The following MORC1 variants were observed in gnomAD, a reference collection of about 807,000 sequenced individuals.
MORC1 encodes the protein MORC family CW-type zinc finger 1.
MORC1 carries 59 observed loss-of-function variants against 134.9 expected under a neutral mutation model. The ratio of observed to expected loss-of-function variants is 0.44; its 90% CI spans 0.35 to 0.54. The LOEUF (loss-of-function observed/expected upper bound fraction) is 0.54. MORC1 is among the 20% of genes least tolerant of loss of function. The pLI, the probability that MORC1 is intolerant of heterozygous loss-of-function variation, is 0.00. For synonymous variants in MORC1, 395 were observed against 391.7 expected, an observed-to-expected ratio of 1.01 and a Z score of -0.10; for missense variants, 947 against 1,134.5, an observed-to-expected ratio of 0.83 and a Z score of 2.37.
chr3:109,035,365 C>T lies in MORC1; in HGVS notation c.1434G>A (p.Met478Ile). The T allele has an allele frequency of 1.3e-6, 2 of 1,591,432 alleles. No individual in the cohort carries two copies. Among genetic ancestry groups the T allele is most frequent in the Non-Finnish European group, 1.7e-6 (2 of 1,168,104 alleles). ...NSFQYQRRQA[M>I]GIPFIIQCDL... ...CACATTGTATGATGAATGGGATACCCATGGCTTGTCTTCTTTGATATTGAA... is the reference window on the plus strand; with the variant it reads ...CACATTGTATGATGAATGGGATACCTATGGCTTGTCTTCTTTGATATTGAA... The change falls in exon 15 of 28, where the codon ATG (methionine) becomes ATA (isoleucine). Residue 478 changes from methionine (M) to isoleucine (I), a missense_variant. Met to Ile is a conservative substitution (Grantham distance 10, BLOSUM62 1). Around this residue, in one of 3 missense-constraint regions of MORC1, gnomAD observed 722 missense variants for 817.0 expected, o/e 0.88. Transcript: ENST00000232603.
Position 109,054,321 on chromosome 3 carries a change from G to C in MORC1, c.1330+407C>G, listed in dbSNP as rs867229469. On this transcript the variant is annotated intron_variant, in intron 14 of 27. Transcript: ENST00000232603. ...AGTTTAACATATCTACAATTACCCAGGGTCAGTAGTTTTTACTCCATGGTA... is the reference window on the plus strand; with the variant it reads ...AGTTTAACATATCTACAATTACCCACGGTCAGTAGTTTTTACTCCATGGTA... 2.8e-4 allele frequency among the ~76,000 whole-genome samples: 42 copies of C among 151,934 alleles called. 1 individual carries two copies. The Middle Eastern group carries it at 0.014, about 49-fold the overall frequency.
chr3:109,102,026 C>T (rs1316692503), intron 4 of MORC1, among the ~76,000 whole-genome samples: 1 of 152,190 alleles, frequency 6.6e-6, no homozygotes, highest in East Asian at 1.9e-4. Flanking sequence ...CCTTGGACAA[C>T]ACTATGTCAT....
chr3:108,998,344 T>C (rs536078037), intron 21 of MORC1, among the ~76,000 whole-genome samples: 5 of 152,380 alleles, frequency 3.3e-5, no homozygotes, highest in African/African-American at 1.2e-4. Context: ...GAAGTTTCTT[T>C]GGTGTGCTGA....
At chr3:109,047,739 G>A (rs1045748505) in intron 14 of MORC1, among the ~76,000 whole-genome samples, 46 of 152,178 alleles carry the variant, frequency 3.0e-4, no homozygotes, top group African/African-American at 1.1e-3. Flanking sequence ...TTTATCCAAA[G>A]CAATTCTTTA....
intron 24 of MORC1, among the ~76,000 whole-genome samples, chr3:108,977,963 C>T (rs964152970): frequency 2.6e-5 from 4 of 152,070 alleles, no homozygotes; most frequent in African/African-American, 4.8e-5. Flanking sequence ...CTGCAAGCTC[C>T]GCCTCCCGGG....
At chr3:109,078,364 A>G (rs1460694728) in intron 8 of MORC1, among the ~76,000 whole-genome samples, 3 of 152,072 alleles carry the variant, frequency 2.0e-5, no homozygotes, top group African/African-American at 7.2e-5. Context: ...CCATACAATT[A>G]GAGCAACAAT....
chr3:108,970,240 C>T (rs1947341210), intron 25 of MORC1, among the ~76,000 whole-genome samples: 1 of 151,702 alleles, frequency 6.6e-6, no homozygotes, highest in South Asian at 2.1e-4. Context: ...ACAACAGGAG[C>T]TGCCACAAAG....
At chr3:108,959,341 G>C (rs1444788871) in intron 27 of MORC1, among the ~76,000 whole-genome samples, 1 of 152,108 alleles carries the variant, frequency 6.6e-6, no homozygotes. Flanking sequence ...TTCTGTAGTG[G>C]AAGTTAGTAC....
At chr3:109,005,413 A>C (rs1464211622) in intron 18 of MORC1, 98 bp from the exon 19 acceptor site, 1 of 1,145,910 alleles carries the variant, frequency 8.7e-7, no homozygotes, top group Non-Finnish European at 1.2e-6. Flanking sequence ...GGTATTTCTT[A>C]TTACTACTAA....
rs1948090969 is a variant in MORC1 at position 108,992,471 on chromosome 3, C to T, written c.2188-5522G>A. Reference sequence around the variant, plus strand: ...GTTTATTTACTCTTACTACTGTCATCAAGTCAAGCATTTTATCTATATGAC... The same window carrying T: ...GTTTATTTACTCTTACTACTGTCATTAAGTCAAGCATTTTATCTATATGAC... On this transcript the variant is annotated intron_variant, in intron 21 of 27. Transcript: ENST00000232603. Among the ~76,000 whole-genome samples, 5 of 152,258 alleles carry T rather than the reference C, an allele frequency of 3.3e-5. No homozygotes were observed. In the South Asian group the frequency reaches 1.0e-3, roughly 32 times the overall value.
At chr3:109,030,187 G>C (rs1048085780) in intron 16 of MORC1, among the ~76,000 whole-genome samples, 1 of 152,090 alleles carries the variant, frequency 6.6e-6, no homozygotes, top group Non-Finnish European at 1.5e-5. Context: ...CCATTACTCC[G>C]TCCTGCTACT....
intron 14 of MORC1, among the ~76,000 whole-genome samples, chr3:109,040,485 A>AAAGG (rs762563463): frequency 0.098 from 11,217 of 114,100 alleles, 1,418 homozygotes; most frequent in East Asian, 0.16. Context: ...AGAAAGAAAG[A>AAAGG]AAGGAAAGAA....
At chr3:109,013,060 G>A (rs1366858159) in intron 17 of MORC1, among the ~76,000 whole-genome samples, 1 of 152,110 alleles carries the variant, frequency 6.6e-6, no homozygotes, top group Non-Finnish European at 1.5e-5. Context: ...CCCTTTATCA[G>A]TTGAGAGAGT....
At chr3:109,006,257 T>C (rs1247757466) in intron 18 of MORC1, among the ~76,000 whole-genome samples, 5 of 151,890 alleles carry the variant, frequency 3.3e-5, no homozygotes, top group Non-Finnish European at 7.4e-5. Context: ...AAGGAGGGAG[T>C]TGGATTATAA....
In MORC1 at chr3:108,958,394, T is replaced by C. The variant is rs1172343061; in HGVS notation, c.*571A>G. ...AATTTTTACATATGTGTAATATGTA[T>C]ACATATTATGCTTAGGAGATTTATT... On this transcript the variant is annotated 3_prime_UTR_variant, in exon 28 of 28. Transcript: ENST00000232603. 6.6e-6 allele frequency: 1 copy of C among 152,106 alleles called. No homozygotes were observed. The highest frequency in any genetic ancestry group is 2.4e-5 in the African/African-American group (1 of 41,454). The allele number at this position is 152,106 out of a possible 1,614,324, so 9.4% of individuals were successfully genotyped here. A position where few individuals can be genotyped will look rare whatever the true frequency, so the allele number is the denominator to read the frequency against.
At position 109,009,997 on chromosome 3, in the gene MORC1, T is replaced by C. The variant is rs545070996; in HGVS notation, c.1705-2906A>G. On this transcript the variant is annotated intron_variant, in intron 17 of 27. Coordinates refer to ENST00000232603, the MANE Select transcript of MORC1 (RefSeq NM_014429.4). ...GTGTAACTAATTGTAAGCAATTCTT[T>C]CCTAATTTCTATTATTTTATTTGCT... 1.1e-4 allele frequency among the ~76,000 whole-genome samples: 17 copies of C among 152,330 alleles called. 1 individual carries two copies. The highest frequency in any genetic ancestry group is 7.2e-4 in the Admixed American group (11 of 15,294).
chr3:109,117,331 CAAA>C (rs202128565), intron 1 of MORC1, among the ~76,000 whole-genome samples: 62,864 of 113,452 alleles, frequency 0.55, 17,112 homozygotes, highest in South Asian at 0.67. Context: ...CAAAAGATGT[CAAA>C]AAAAAAAAAA....
chr3:108,975,387 A>G lies in MORC1; in HGVS notation c.2478-3985T>C, dbSNP rs1381281905. ...GTTAAAAAGTTACTTTCTTTTTAAA[A>G]CTTTTTTTTGGTATTTTAAAAATCT... is the stretch of plus-strand genomic sequence containing the variant. On this transcript the variant is annotated intron_variant, in intron 24 of 27. Coordinates refer to ENST00000232603, the MANE Select transcript of MORC1 (RefSeq NM_014429.4). Among the ~76,000 whole-genome samples the G allele has an allele frequency of 2.0e-5, 3 of 152,052 alleles. No individual in the cohort carries two copies. In the East Asian group the frequency reaches 5.8e-4, roughly 29 times the overall value.
chr3:109,033,683 T>C (rs1949299245), intron 15 of MORC1, among the ~76,000 whole-genome samples: 1 of 152,184 alleles, frequency 6.6e-6, no homozygotes, highest in African/African-American at 2.4e-5. Context: ...TTCAGTATCA[T>C]TATCTATTAA....
Sources: allele counts gnomAD v4.1 joint callset (sites outside exome capture counted in the v4.1 genomes callset), GRCh38; gene constraint gnomAD v4.1.1; regional missense constraint gnomAD v4.1.1; transcripts MANE v1.5; gene names NCBI Gene and HGNC (gene_info 2026-07-23, HGNC 2026-07-21).